PLA1A: variants seen among roughly 807,000 people sequenced by gnomAD.
The protein encoded by PLA1A is phosphatidylserine-specific phospholipase A1alpha.
PLA1A carries 47 observed loss-of-function variants against 49.4 expected under a neutral mutation model. That is an observed-to-expected ratio of 0.95 (90% CI 0.75 to 1.21). PLA1A has a LOEUF of 1.21. PLA1A is among the 50% of genes most tolerant of loss of function. PLA1A has a pLI of 0.00. For missense variants in PLA1A, 561 were observed against 563.9 expected (o/e 0.99, Z 0.05); for synonymous variants, 224 against 207.9 (o/e 1.08, Z -0.67).
intron 1 of PLA1A, among the ~76,000 whole-genome samples, chr3:119,602,523 A>C (rs1010342447): frequency 6.6e-6 from 1 of 152,000 alleles, no homozygotes; most frequent in African/African-American, 2.4e-5. Flanking sequence ...TTTACTTTTA[A>C]CTTCCCTTTG....
chr3:119,623,402 C>T (rs2082972063), intron 8 of PLA1A, among the ~76,000 whole-genome samples: 1 of 152,196 alleles, frequency 6.6e-6, no homozygotes, highest in Admixed American at 6.5e-5. Context: ...CCACCTTGGC[C>T]TCCCAAAGTA....
intron 8 of PLA1A, chr3:119,620,326 GGA>G: frequency 3.1e-6 from 1 of 323,766 alleles, no homozygotes; most frequent in Non-Finnish European, 6.1e-6. Context: ...ATGCCGGCTT[GGA>G]TGATAAACAA....
chr3:119,601,766 C>G (rs1386382283), intron 1 of PLA1A, among the ~76,000 whole-genome samples: 5 of 152,190 alleles, frequency 3.3e-5, no homozygotes, highest in African/African-American at 9.7e-5. Context: ...CATTTCTTAT[C>G]TGTTCCCTGT....
intron 7 of PLA1A, 52 bp downstream of exon 7, chr3:119,618,238 C>T: frequency 2.1e-6 from 3 of 1,453,082 alleles, no homozygotes. Context: ...AGTTCAAGCC[C>T]TGCTAGTTGT....
intron 8 of PLA1A, among the ~76,000 whole-genome samples, chr3:119,622,125 A>G (rs7617817): frequency 6.7e-6 from 1 of 150,298 alleles, no homozygotes; most frequent in Non-Finnish European, 1.5e-5. Flanking sequence ...GAGAAGGAGA[A>G]GAAGAGGAAG....
intron 1 of PLA1A, 25 bp from the exon 2 acceptor site, chr3:119,606,749 C>G: frequency 6.3e-7 from 1 of 1,594,294 alleles, no homozygotes; most frequent in South Asian, 1.1e-5. Context: ...TTGGATGTTG[C>G]TTGTTTTGTT....
intron 5 of PLA1A, among the ~76,000 whole-genome samples, chr3:119,614,167 A>G (rs1422332476): frequency 2.0e-5 from 3 of 152,198 alleles, no homozygotes; most frequent in Non-Finnish European, 4.4e-5. Context: ...GCCTCTTTTT[A>G]GCATTTAAGA....
At chr3:119,611,648 G>T (rs1396154043) in intron 4 of PLA1A, among the ~76,000 whole-genome samples, 1 of 151,952 alleles carries the variant, frequency 6.6e-6, no homozygotes, top group Non-Finnish European at 1.5e-5. Context: ...TCCTGATTTG[G>T]CTCTCAGCTT....
At chr3:119,612,974 A>T (rs1484480618) in intron 4 of PLA1A, 43 bp from the exon 5 acceptor site, 2 of 1,271,276 alleles carry the variant, frequency 1.6e-6, no homozygotes, top group Admixed American at 2.1e-5. Context: ...ATGTTCCTGC[A>T]GCTGAGAGGA....
intron 1 of PLA1A, among the ~76,000 whole-genome samples, chr3:119,602,861 C>T (rs2082635537): frequency 6.6e-6 from 1 of 151,888 alleles, no homozygotes; most frequent in Non-Finnish European, 1.5e-5. Context: ...TGAGAGTAGA[C>T]AAGAGAGCAC....
At chr3:119,600,979 A>AG (rs34390907) in intron 1 of PLA1A, among the ~76,000 whole-genome samples, 1 of 152,140 alleles carries the variant, frequency 6.6e-6, no homozygotes, top group Non-Finnish European at 1.5e-5. Flanking sequence ...AGCTATTGGG[A>AG]GGGGGCCTCC....
intron 4 of PLA1A, among the ~76,000 whole-genome samples, chr3:119,610,081 T>A (rs1394221464): frequency 2.0e-5 from 3 of 152,252 alleles, no homozygotes; most frequent in Admixed American, 2.0e-4. Flanking sequence ...CGGTATTTGG[T>A]TTTTTGTTTC....
chr3:119,620,205 A>C, intron 8 of PLA1A: 1 of 455,392 alleles, frequency 2.2e-6, no homozygotes, highest in South Asian at 1.6e-5. Context: ...TACAAGCTAA[A>C]CCGTCATCCT....
intron 5 of PLA1A, among the ~76,000 whole-genome samples, chr3:119,613,610 C>T (rs529572635): frequency 3.9e-5 from 6 of 152,078 alleles, no homozygotes; most frequent in Non-Finnish European, 7.4e-5. Flanking sequence ...ATCTCTCTTC[C>T]GGGCCGGGCA....
chr3:119,620,269 G>T (rs994531751), intron 8 of PLA1A: 1 of 406,932 alleles, frequency 2.5e-6, no homozygotes, highest in African/African-American at 2.0e-5. Flanking sequence ...GGTTTATGCT[G>T]GTTATCCTGG....
Position 119,629,562 on chromosome 3 carries a change from C to CATTACT in PLA1A, c.*96_*101dup. Reference sequence around the variant, plus strand: ...TGTGTGTGTGCAGCTTATTGTAGACCATTACTACTAAGGAGAAAAGCAAAG... The same window carrying CATTACT: ...TGTGTGTGTGCAGCTTATTGTAGACCATTACTATTACTACTAAGGAGAAAAGCAAAG... On this transcript the variant is annotated 3_prime_UTR_variant, in exon 11 of 11. Coordinates refer to ENST00000273371, the MANE Select transcript of PLA1A (RefSeq NM_015900.4). The CATTACT allele has an allele frequency of 1.4e-6, 1 of 732,448 alleles. No individual in the cohort carries two copies. The highest frequency in any genetic ancestry group is 2.5e-6 in the Non-Finnish European group (1 of 407,968). The allele number at this position is 732,448 out of a possible 1,614,324, so 45.4% of individuals were successfully genotyped here. A position where few individuals can be genotyped will look rare whatever the true frequency, so the allele number is the denominator to read the frequency against.
chr3:119,613,090 C>T lies in PLA1A; in HGVS notation c.636C>T (p.Phe212=), dbSNP rs772692730. The T allele has an allele frequency of 2.1e-5, 33 of 1,608,332 alleles. No individual in the cohort carries two copies. The South Asian group carries it at 2.3e-4, about 11-fold the overall frequency. Reference sequence around the variant, plus strand: ...GCTTGGATGCTGGAGATGCCCTCTTCGTGGAAGCCATCCACACAGACACCG... The same window carrying T: ...GCTTGGATGCTGGAGATGCCCTCTTTGTGGAAGCCATCCACACAGACACCG... ...EERLDAGDAL[F]VEAIHTDTDN... Residue 212 remains phenylalanine (F), a synonymous_variant, in exon 5 of 11, where the codon TTC becomes TTT. Transcript: ENST00000273371.
intron 4 of PLA1A, 82 bp downstream of exon 4, chr3:119,609,658 AG>A (rs776450926): frequency 9.6e-5 from 70 of 731,228 alleles, no homozygotes; most frequent in Middle Eastern, 7.4e-4. Context: ...AAGCAAGCAG[AG>A]GGGAGTACAG....
At chr3:119,613,648 C>T (rs13077040) in intron 5 of PLA1A, among the ~76,000 whole-genome samples, 1 of 152,216 alleles carries the variant, frequency 6.6e-6, no homozygotes, top group Non-Finnish European at 1.5e-5. Context: ...AATCCCAGCA[C>T]TCTGGGAGGC....
Sources: allele counts gnomAD v4.1 joint callset (sites outside exome capture counted in the v4.1 genomes callset), GRCh38; gene constraint gnomAD v4.1.1; transcripts MANE v1.5; gene names NCBI Gene and HGNC (gene_info 2026-07-23, HGNC 2026-07-21).